Variants in PKIB observed in about 807,000 individuals in gnomAD.
The protein encoded by PKIB is cAMP-dependent protein kinase inhibitor beta, also known as PKI-beta.
A neutral mutation model predicts 4.5 loss-of-function variants in PKIB; 2 were observed. That is an observed-to-expected ratio of 0.44 (90% CI 0.18 to 1.39). The LOEUF is 1.39. Among genes scored for constraint, PKIB ranks in the 40% most tolerant of loss-of-function variants. The pLI is 0.27. For missense variants in PKIB, 94 were observed against 92.6 expected, an observed-to-expected ratio of 1.02 and a Z score of -0.06; for synonymous variants, 38 against 36.0, an observed-to-expected ratio of 1.06 and a Z score of -0.20.
intron 2 of PKIB, among the ~76,000 whole-genome samples, chr6:122,517,694 A>G (rs1776804335): frequency 6.6e-6 from 1 of 152,196 alleles, no homozygotes; most frequent in African/African-American, 2.4e-5. Flanking sequence ...TTGTCTATGT[A>G]TATTGACTTT....
intron 2 of PKIB, among the ~76,000 whole-genome samples, chr6:122,535,930 T>C (rs1212379364): frequency 6.6e-6 from 1 of 152,112 alleles, no homozygotes; most frequent in African/African-American, 2.4e-5. Flanking sequence ...ATGTTTTCAG[T>C]TGCAATTTTC....
chr6:122,531,544 G>A (rs1398451904), intron 2 of PKIB: 3 of 152,098 alleles, frequency 2.0e-5, no homozygotes, highest in Admixed American at 1.3e-4. Context: ...TTCTTTAAAT[G>A]TTCTTTATCC....
At chr6:122,681,762 C>A (rs1216364520) in intron 3 of PKIB, among the ~76,000 whole-genome samples, 3 of 152,186 alleles carry the variant, frequency 2.0e-5, no homozygotes, top group Admixed American at 2.0e-4. Flanking sequence ...TTTTCCATCC[C>A]AGCCACATTG....
chr6:122,680,699 A>G (rs1420830485), intron 3 of PKIB, among the ~76,000 whole-genome samples: 2 of 152,148 alleles, frequency 1.3e-5, no homozygotes, highest in East Asian at 1.9e-4. Flanking sequence ...ACTTTGAGGT[A>G]TTGCTTACTG....
intron 2 of PKIB, 100 bp from the exon 3 acceptor site, chr6:122,674,978 G>A (rs1351797521): frequency 1.3e-5 from 2 of 152,028 alleles, no homozygotes; most frequent in African/African-American, 4.8e-5. Context: ...ATGTTTACCA[G>A]TTTTAGCTAA....
At chr6:122,569,457 C>A (rs1479671170) in intron 2 of PKIB, among the ~76,000 whole-genome samples, 1 of 152,212 alleles carries the variant, frequency 6.6e-6, no homozygotes, top group Non-Finnish European at 1.5e-5. Flanking sequence ...CTGCGTACAA[C>A]ACCCTGGCTA....
At chr6:122,607,359 C>A (rs919465098), upstream of PKIB, among the ~76,000 whole-genome samples, 3 of 151,922 alleles carry the variant, frequency 2.0e-5, no homozygotes, top group Admixed American at 6.6e-5. Context: ...AACAAAAAAA[C>A]CCACAAAAGT....
chr6:122,509,763 C>T lies in PKIB; in HGVS notation c.-248+31824C>T, dbSNP rs976674874. Among the ~76,000 whole-genome samples the T allele has an allele frequency of 2.6e-5, 4 of 152,050 alleles. No homozygotes were observed. In the East Asian group the frequency reaches 7.7e-4, roughly 29 times the overall value. On this transcript the variant is annotated intron_variant, in intron 2 of 6. Transcript: ENST00000392491. ...GTCATTTGATCAAATATACTGTAAG[C>T]ATTTTTATGGTATTATGTGGCAAAA...
intron 2 of PKIB, among the ~76,000 whole-genome samples, chr6:122,638,693 C>T (rs1172435943): frequency 6.6e-6 from 1 of 152,304 alleles, no homozygotes; most frequent in Middle Eastern, 3.4e-3. Flanking sequence ...TATCCATCCA[C>T]CTTAAAGAGT....
chr6:122,506,835 G>A (rs1021172910), intron 2 of PKIB, among the ~76,000 whole-genome samples: 6 of 150,372 alleles, frequency 4.0e-5, no homozygotes, highest in Non-Finnish European at 8.9e-5. Context: ...GAGTAGCTGG[G>A]ACTACAGGCG....
intron 2 of PKIB, among the ~76,000 whole-genome samples, chr6:122,665,841 T>A (rs1202696588): frequency 6.6e-6 from 1 of 152,216 alleles, no homozygotes; most frequent in Non-Finnish European, 1.5e-5. Flanking sequence ...AGTAAAGGAA[T>A]GGCCTGTGAC....
At chr6:122,539,230 G>T (rs987297476) in intron 2 of PKIB, among the ~76,000 whole-genome samples, 7 of 151,876 alleles carry the variant, frequency 4.6e-5, no homozygotes, top group Admixed American at 6.6e-5. Flanking sequence ...TGAATAGGAG[G>T]GGTGAGAGAG....
intron 2 of PKIB, among the ~76,000 whole-genome samples, chr6:122,565,331 A>G (rs1773155669): frequency 1.3e-5 from 2 of 152,136 alleles, no homozygotes; most frequent in African/African-American, 4.8e-5. Context: ...TGTTCTTGTC[A>G]GCCTCTCTGA....
intron 1 of PKIB, among the ~76,000 whole-genome samples, chr6:122,615,499 T>G (rs1190782501): frequency 6.6e-6 from 1 of 152,166 alleles, no homozygotes; most frequent in Non-Finnish European, 1.5e-5. Flanking sequence ...CTGGCACAAT[T>G]TACAAACATG....
At chr6:122,580,891 C>G (rs1273337332) in intron 2 of PKIB, among the ~76,000 whole-genome samples, 1 of 152,052 alleles carries the variant, frequency 6.6e-6, no homozygotes, top group Non-Finnish European at 1.5e-5. Context: ...TCTTTTACAC[C>G]CTCTAGAAAA....
At chr6:122,714,839 T>G (rs917013678) in intron 3 of PKIB, among the ~76,000 whole-genome samples, 2 of 152,176 alleles carry the variant, frequency 1.3e-5, no homozygotes, top group African/African-American at 4.8e-5. Flanking sequence ...TGGAGTGCAG[T>G]GGCGCAGTCT....
chr6:122,706,590 G>A (rs183247225), intron 3 of PKIB, among the ~76,000 whole-genome samples: 6 of 152,284 alleles, frequency 3.9e-5, no homozygotes, highest in East Asian at 3.9e-4. Flanking sequence ...TTCCAGTCTT[G>A]TCTCTGTTAC....
At chr6:122,659,727 C>T (rs553545585) in intron 2 of PKIB, among the ~76,000 whole-genome samples, 66 of 152,120 alleles carry the variant, frequency 4.3e-4, no homozygotes, top group East Asian at 7.7e-4. Context: ...AGCTATTTTT[C>T]GGTAAAGTTG....
chr6:122,516,499 C>A (rs570314464), intron 2 of PKIB, among the ~76,000 whole-genome samples: 81 of 152,256 alleles, frequency 5.3e-4, no homozygotes, highest in Non-Finnish European at 1.0e-3. Flanking sequence ...AAGATGACTT[C>A]TTGGGTAATC....
Sources: allele counts gnomAD v4.1 joint callset (sites outside exome capture counted in the v4.1 genomes callset), GRCh38; gene constraint gnomAD v4.1.1; transcripts MANE v1.5; gene names NCBI Gene and HGNC (gene_info 2026-07-23, HGNC 2026-07-21).